IDH3A: variants seen among roughly 807,000 people sequenced by gnomAD.
The protein encoded by IDH3A is isocitrate dehydrogenase (NAD(+)) 3 catalytic subunit alpha, also known as isocitrate dehydrogenase [NAD] subunit alpha, mitochondrial.
A neutral mutation model predicts 43.3 loss-of-function variants in IDH3A; 23 were observed. That is an observed-to-expected ratio of 0.53 (90% confidence interval 0.38 to 0.75). The LOEUF is 0.75. Among genes scored for constraint, IDH3A ranks in the 30% least tolerant of loss-of-function variants. The probability of loss-of-function intolerance (pLI) is 0.00; values close to 1 mark genes in which losing one functional copy is unlikely to be tolerated. For missense variants in IDH3A, 329 were observed against 474.4 expected (o/e 0.69, Z 2.85); for synonymous variants, 154 against 163.5 (o/e 0.94, Z 0.44).
At chr15:78,164,309 C>T (rs553568402) in intron 8 of IDH3A, among the ~76,000 whole-genome samples, 8 of 151,602 alleles carry the variant, frequency 5.3e-5, no homozygotes, top group Non-Finnish European at 8.8e-5. Context: ...CTCTCTCCCC[C>T]CCCGACACAC....
At chr15:78,160,950 C>T (rs920988001) in intron 4 of IDH3A, among the ~76,000 whole-genome samples, 12 of 152,168 alleles carry the variant, frequency 7.9e-5, no homozygotes, top group African/African-American at 2.7e-4. Context: ...GCCGTGATCT[C>T]GGCTCACTAC....
intron 1 of IDH3A, among the ~76,000 whole-genome samples, chr15:78,151,920 T>C (rs1028860527): frequency 9.2e-5 from 14 of 152,186 alleles, no homozygotes; most frequent in African/African-American, 3.4e-4. Context: ...ATTTTTTTTG[T>C]AGAGGTAGGG....
chr15:78,155,348 T>C (rs1364070107), intron 2 of IDH3A, 73 bp downstream of exon 2: 10 of 985,758 alleles, frequency 1.0e-5, no homozygotes, highest in Non-Finnish European at 1.6e-5. Context: ...ATATTTATTA[T>C]ATAGCATTTT....
At chr15:78,156,701 A>C (rs575836115) in intron 2 of IDH3A, among the ~76,000 whole-genome samples, 1 of 152,348 alleles carries the variant, frequency 6.6e-6, no homozygotes, top group Non-Finnish European at 1.5e-5. Flanking sequence ...GTCCCAAGAT[A>C]ATAAAATATG....
intron 1 of IDH3A, among the ~76,000 whole-genome samples, chr15:78,153,386 G>C (rs2074595512): frequency 6.6e-6 from 1 of 152,240 alleles, no homozygotes; most frequent in African/African-American, 2.4e-5. Context: ...AGGGAGAGGA[G>C]AAAGGACACA....
At chr15:78,152,456 G>T (rs1054361907) in intron 1 of IDH3A, among the ~76,000 whole-genome samples, 1 of 150,090 alleles carries the variant, frequency 6.7e-6, no homozygotes, top group African/African-American at 2.5e-5. Context: ...TGCCTCCTGG[G>T]TTCAAGTGAT....
intron 4 of IDH3A, 80 bp downstream of exon 4, chr15:78,160,286 A>G (rs2074668167): frequency 1.3e-6 from 1 of 778,246 alleles, no homozygotes; most frequent in Admixed American, 2.0e-5. Context: ...ATGCATTTAA[A>G]CTGAATAAGG....
Position 78,161,697 on chromosome 15 carries a change from C to G in IDH3A, c.406C>G (p.Pro136Ala). Residue 136 changes from proline to alanine, a missense_variant, in exon 5 of 11, where the codon CCT (proline) becomes GCT (alanine). Around this residue, in one of 3 missense-constraint regions of IDH3A, gnomAD observed 212 missense variants for 345.5 expected, o/e 0.61. Transcript: ENST00000299518. This position sits in a 1 kb window ranked among gnomAD's most constrained non-coding sequence, Gnocchi z 4.8. The part of the protein sequence containing the change: ...PCVSIEGYKT[P>A]YTDVNIVTIR... ...TGTCTCTATCGAAGGCTATAAAACCCCTTACACCGATGTAAATATTGTGAC... is the reference window on the plus strand; with the variant it reads ...TGTCTCTATCGAAGGCTATAAAACCGCTTACACCGATGTAAATATTGTGAC... 2 of 1,614,108 alleles carry G rather than the reference C, an allele frequency of 1.2e-6. No individual in the cohort carries two copies. The highest frequency in any genetic ancestry group is 2.2e-5 in the South Asian group (2 of 91,084).
chr15:78,169,055 G>T lies in IDH3A; in HGVS notation c.*50G>T. ...CAGTCACTCTAAATGGACACCACAT[G>T]AACCTCTGTTTAGAATACCTACGTA... On this transcript the variant is annotated 3_prime_UTR_variant, in exon 11 of 11. Coordinates refer to ENST00000299518, the MANE Select transcript of IDH3A (RefSeq NM_005530.3). 1 of 1,170,058 alleles carries T rather than the reference G, an allele frequency of 8.5e-7. No homozygotes were observed. Among genetic ancestry groups the T allele is most frequent in the South Asian group, 1.3e-5 (1 of 78,286 alleles). 72.5% of individuals were successfully genotyped at this position (1,170,058 alleles called of 1,614,324 possible).
chr15:78,165,216 G>C, intron 9 of IDH3A, 140 bp downstream of exon 9: 1 of 626,096 alleles, frequency 1.6e-6, no homozygotes, highest in Admixed American at 2.7e-5. Context: ...TCTCGAGACG[G>C]AGTCTCGCTC....
rs1481357095 is a variant in IDH3A at position 78,170,503 on chromosome 15, T to A, written c.*1498T>A. 2 of 152,216 alleles carry A rather than the reference T, an allele frequency of 1.3e-5. No individual in the cohort carries two copies. Among genetic ancestry groups the A allele is most frequent in the African/African-American group, 4.8e-5 (2 of 41,440 alleles). 9.4% of individuals were successfully genotyped at this position (152,216 alleles called of 1,614,324 possible). A position where few individuals can be genotyped will look rare whatever the true frequency, so the allele number is the denominator to read the frequency against. On this transcript the variant is annotated 3_prime_UTR_variant, in exon 11 of 11. Transcript: ENST00000299518. ...TTCATTGGATTGTGCCAGTTATCAG[T>A]GGCTCTTGGGTTCAAAGTAATAAAG...
chr15:78,156,827 T>G, intron 2 of IDH3A: 1 of 1,122,498 alleles, frequency 8.9e-7, no homozygotes, highest in Non-Finnish European at 1.2e-6. Flanking sequence ...TGCTGTTACA[T>G]TATAAAAACA....
chr15:78,157,131 A>C (rs942642504), intron 2 of IDH3A: 46 of 1,124,614 alleles, frequency 4.1e-5, no homozygotes, highest in Non-Finnish European at 4.9e-5. Flanking sequence ...AAAGGAAAAC[A>C]CTTGCCTTCA....
intron 10 of IDH3A, chr15:78,167,461 A>G (rs1381861047): frequency 6.6e-6 from 1 of 152,184 alleles, no homozygotes; most frequent in Non-Finnish European, 1.5e-5. Context: ...GCACTTGAAG[A>G]CTCATCCCTA....
At chr15:78,164,110 TG>T (rs1417832234) in intron 8 of IDH3A, among the ~76,000 whole-genome samples, 1 of 152,214 alleles carries the variant, frequency 6.6e-6, no homozygotes, top group Non-Finnish European at 1.5e-5. Flanking sequence ...TACTATTTTT[TG>T]GTAACTTTTG....
rs8027582 is a variant in IDH3A, at chr15:78,158,990, G to A, written c.175-1102G>A. ...TGGGATTACAGGTGCCTGCCACCACGCCCAGCTGATTTTTGTATTTTTAGT... is the reference window on the plus strand; with the variant it reads ...TGGGATTACAGGTGCCTGCCACCACACCCAGCTGATTTTTGTATTTTTAGT... On this transcript the variant is annotated intron_variant, in intron 3 of 10. Transcript: ENST00000299518. Among the ~76,000 whole-genome samples the A allele has an allele frequency of 3.2e-3, 480 of 151,834 alleles. 6 individuals are homozygous for A. The East Asian group carries it at 0.046, about 15-fold the overall frequency.
chr15:78,163,672 G>C, intron 7 of IDH3A, 44 bp from the exon 8 acceptor site: 1 of 1,564,778 alleles, frequency 6.4e-7, no homozygotes, highest in Non-Finnish European at 8.8e-7. Context: ...GTGTTGTGGG[G>C]ATGCAGATTT....
chr15:78,155,402 A>C, intron 2 of IDH3A, 127 bp downstream of exon 2: 1 of 607,002 alleles, frequency 1.6e-6, no homozygotes, highest in South Asian at 2.3e-5. Context: ...CATATTTATA[A>C]TGTATGTTGA....
In IDH3A at chr15:78,161,507, C is replaced by T. The variant is rs892528578; in HGVS notation, c.290-74C>T. ...GGCAGAACACATTTCACAAGGTAGC[C>T]GAGGTGGGTTAGTAGGTCACACGTG... On this transcript the variant is annotated intron_variant, in intron 4 of 10. Transcript: ENST00000299518. This position sits in a 1 kb window ranked among gnomAD's most constrained non-coding sequence, Gnocchi z 4.8. 1.6e-5 allele frequency: 19 copies of T among 1,172,970 alleles called. No individual in the cohort carries two copies. The highest frequency in any genetic ancestry group is 7.5e-5 in the Admixed American group (4 of 53,638). 72.7% of individuals were successfully genotyped at this position (1,172,970 alleles called of 1,614,324 possible). A position where few individuals can be genotyped will look rare whatever the true frequency, so the allele number is the denominator to read the frequency against.
Sources: allele counts gnomAD v4.1 joint callset (sites outside exome capture counted in the v4.1 genomes callset), GRCh38; gene constraint gnomAD v4.1.1; regional missense constraint gnomAD v4.1.1; non-coding constraint Gnocchi (gnomAD v3.1); transcripts MANE v1.5; gene names NCBI Gene and HGNC (gene_info 2026-07-23, HGNC 2026-07-21).